Variants in ADGRL3 observed in about 807,000 individuals in gnomAD.
ADGRL3 encodes adhesion G protein-coupled receptor L3, also known as calcium-independent alpha-latrotoxin receptor 3.
In ADGRL3, 62 loss-of-function variants were observed where a neutral mutation model predicts 153.5. That is an observed-to-expected ratio of 0.40 (90% CI 0.33 to 0.50). The LOEUF is 0.50. Among genes scored for constraint, ADGRL3 ranks in the 20% least tolerant of loss-of-function variants. The pLI, the probability that ADGRL3 is intolerant of heterozygous loss-of-function variation, is 0.47. For missense variants in ADGRL3, 1,641 were observed against 1,859.4 expected (o/e 0.88, Z 2.16); for synonymous variants, 710 against 672.5 (o/e 1.06, Z -0.86).
At chr4:61,317,569 T>A (rs2095251961) in intron 1 of ADGRL3, among the ~76,000 whole-genome samples, 1 of 152,130 alleles carries the variant, frequency 6.6e-6, no homozygotes, top group Non-Finnish European at 1.5e-5. Context: ...CCTATAATAG[T>A]AGGTTTTTCT....
intron 8 of ADGRL3, among the ~76,000 whole-genome samples, chr4:61,780,342 G>A (rs913253520): frequency 1.3e-5 from 2 of 152,194 alleles, no homozygotes; most frequent in Admixed American, 6.5e-5. Context: ...AGTGAGAAGA[G>A]CAATGAGACT....
At chr4:61,598,698 A>G (rs1449727107) in intron 5 of ADGRL3, among the ~76,000 whole-genome samples, 1 of 152,218 alleles carries the variant, frequency 6.6e-6, no homozygotes, top group Non-Finnish European at 1.5e-5. Context: ...GTAAGTATAT[A>G]AGGTATATAT....
chr4:61,784,989 TA>T (rs1191545304), intron 8 of ADGRL3, among the ~76,000 whole-genome samples: 1 of 152,150 alleles, frequency 6.6e-6, no homozygotes, highest in Non-Finnish European at 1.5e-5. Flanking sequence ...AAGAGTGAGT[TA>T]ATATTTGTAA....
intron 4 of ADGRL3, among the ~76,000 whole-genome samples, chr4:61,578,791 TG>T: frequency 6.6e-6 from 1 of 152,158 alleles, no homozygotes; most frequent in Non-Finnish European, 1.5e-5. Flanking sequence ...CATGTTTATT[TG>T]ATTTCTCTGA....
At chr4:61,392,185 G>T (rs1251761015) in intron 2 of ADGRL3, among the ~76,000 whole-genome samples, 1 of 151,510 alleles carries the variant, frequency 6.6e-6, no homozygotes, top group East Asian at 2.0e-4. Flanking sequence ...CTACTTTTAT[G>T]ATATTTTCCT....
intron 13 of ADGRL3, among the ~76,000 whole-genome samples, chr4:61,914,303 T>C (rs2098735428): frequency 6.6e-6 from 1 of 152,122 alleles, no homozygotes; most frequent in African/African-American, 2.4e-5. Context: ...GAAGGAAAGA[T>C]TTCTTTTCCT....
At chr4:61,933,819 A>G (rs1364766699) in intron 13 of ADGRL3, 1 of 152,180 alleles carries the variant, frequency 6.6e-6, no homozygotes, top group African/African-American at 2.4e-5. Context: ...CAATGTGTCA[A>G]TAATGTGAGT....
intron 1 of ADGRL3, among the ~76,000 whole-genome samples, chr4:61,357,673 G>A (rs2096201854): frequency 6.6e-6 from 1 of 151,974 alleles, no homozygotes; most frequent in Admixed American, 6.5e-5. Context: ...TTAATAACTG[G>A]CCAAATTTGG....
At chr4:61,854,581 A>C (rs750821208) in intron 9 of ADGRL3, among the ~76,000 whole-genome samples, 7 of 152,236 alleles carry the variant, frequency 4.6e-5, no homozygotes, top group Non-Finnish European at 1.0e-4. Context: ...AAATACGTGA[A>C]GGAGAAGAGA....
chr4:61,681,477 T>C (rs1462834964), intron 6 of ADGRL3, among the ~76,000 whole-genome samples: 1 of 152,086 alleles, frequency 6.6e-6, no homozygotes, highest in East Asian at 1.9e-4. Context: ...CGGGGGGAAG[T>C]ACACAATTTG....
At chr4:62,015,948 T>C (rs1361505981) in intron 21 of ADGRL3, among the ~76,000 whole-genome samples, 1 of 152,004 alleles carries the variant, frequency 6.6e-6, no homozygotes, top group Admixed American at 6.5e-5. Flanking sequence ...CTCTAAGGTA[T>C]ACGCTTTCAA....
intron 4 of ADGRL3, among the ~76,000 whole-genome samples, chr4:61,553,871 C>T (rs2098752064): frequency 1.3e-5 from 2 of 152,198 alleles, no homozygotes; most frequent in South Asian, 4.1e-4. Context: ...GAGTTAACAA[C>T]CCACTTTTAA....
intron 9 of ADGRL3, among the ~76,000 whole-genome samples, chr4:61,821,735 A>G (rs190937126): frequency 1.3e-5 from 2 of 152,330 alleles, no homozygotes; most frequent in South Asian, 2.1e-4. Flanking sequence ...AGTAATATAA[A>G]TATGGTTCAA....
chr4:61,350,733 A>G (rs369465329), intron 1 of ADGRL3, among the ~76,000 whole-genome samples: 19 of 152,300 alleles, frequency 1.2e-4, no homozygotes, highest in African/African-American at 4.3e-4. Flanking sequence ...ACTCTGGGGC[A>G]TGATGAGCTG....
chr4:61,292,032 A>T (rs1473111218), intron 1 of ADGRL3, among the ~76,000 whole-genome samples: 1 of 151,504 alleles, frequency 6.6e-6, no homozygotes, highest in Non-Finnish European at 1.5e-5. Context: ...AGGAGAAAAT[A>T]TTCCACATAT....
chr4:61,571,263 C>A (rs2098837367), intron 4 of ADGRL3, among the ~76,000 whole-genome samples: 1 of 151,442 alleles, frequency 6.6e-6, no homozygotes, highest in Non-Finnish European at 1.5e-5. Flanking sequence ...TCATTTGGGG[C>A]CAGGAGTTTC....
chr4:61,327,136 C>G (rs2095481020), intron 1 of ADGRL3, among the ~76,000 whole-genome samples: 1 of 151,906 alleles, frequency 6.6e-6, no homozygotes, highest in South Asian at 2.1e-4. Context: ...TTACTCCTTG[C>G]TATGATTCTT....
chr4:61,611,790 G>A (rs2091384821), intron 5 of ADGRL3, among the ~76,000 whole-genome samples: 1 of 152,028 alleles, frequency 6.6e-6, no homozygotes, highest in Non-Finnish European at 1.5e-5. Flanking sequence ...GTGTGGTGGT[G>A]TGTGCCTATA....
At chr4:61,358,264 T>C (rs970568459) in intron 1 of ADGRL3, among the ~76,000 whole-genome samples, 3 of 152,148 alleles carry the variant, frequency 2.0e-5, no homozygotes, top group Admixed American at 1.3e-4. Flanking sequence ...ATCATGTTAT[T>C]TTTCTGCTCA....
Sources: gnomAD v4.1 joint callset for allele counts (sites outside exome capture counted in the v4.1 genomes callset) on GRCh38, gnomAD v4.1.1 for gene constraint, MANE v1.5 for transcripts, NCBI Gene and HGNC (gene_info 2026-07-23, HGNC 2026-07-21) for gene names.